FTH1: variants seen among roughly 807,000 people sequenced by gnomAD.
FTH1 encodes the protein ferritin heavy chain 1, also known as ferritin heavy chain.
Under a neutral mutation model 21.8 loss-of-function variants are expected in FTH1, and 3 were observed. The observed-to-expected ratio is 0.14, with a 90% confidence interval of 0.06 to 0.36. FTH1 has a LOEUF of 0.36. FTH1 is among the 10% of genes least tolerant of loss of function. FTH1 has a pLI of 1.00. For synonymous variants in FTH1, 83 were observed against 90.1 expected (o/e 0.92, Z 0.45); for missense variants, 147 against 225.8 (o/e 0.65, Z 2.24).
intron 1 of FTH1, among the ~76,000 whole-genome samples, chr11:61,966,293 A>G (rs4963438): frequency 0.15 from 22,717 of 152,126 alleles, 2,717 homozygotes; most frequent in East Asian, 0.68. Flanking sequence ...CACACAAATT[A>G]AAAACCCCCA....
rs1454285813 is a variant in FTH1 at position 61,967,406 on chromosome 11, G to A, written c.20C>T (p.Ser7Leu). 1 of 1,603,614 alleles carries A rather than the reference G, an allele frequency of 6.2e-7. No homozygotes were observed. Among genetic ancestry groups the A allele is most frequent in the Non-Finnish European group, 8.5e-7 (1 of 1,176,378 alleles). Reference protein sequence around the residue: MTTASTSQVRQNYHQDS... With the variant: MTTASTLQVRQNYHQDS... Reference sequence around the variant, plus strand: ...CTGGTGGTAGTTCTGGCGCACCTGCGAGGTGGACGCGGTCGTCATGGCGGC... The same window carrying A: ...CTGGTGGTAGTTCTGGCGCACCTGCAAGGTGGACGCGGTCGTCATGGCGGC... The change falls in exon 1 of 4, where the codon TCG becomes TTG. Residue 7 changes from serine (S) to leucine (L), a missense_variant. Coordinates refer to ENST00000273550, the MANE Select transcript of FTH1 (RefSeq NM_002032.3).
Position 61,964,969 on chromosome 11 carries a change from TGG to T in FTH1, c.387+16_387+17del. ...CAAATGATTTCCTCCATTTATTTCCTGGGGTTCCAATACTCACATGGGGGTCA... is the reference window on the plus strand; with the variant it reads ...CAAATGATTTCCTCCATTTATTTCCTGGTTCCAATACTCACATGGGGGTCA... On this transcript the variant is annotated intron_variant, in intron 3 of 3. Coordinates refer to ENST00000273550, the MANE Select transcript of FTH1 (RefSeq NM_002032.3). 6.2e-7 allele frequency: 1 copy of T among 1,614,156 alleles called. No individual in the cohort carries two copies. Among genetic ancestry groups the T allele is most frequent in the Non-Finnish European group, 8.5e-7 (1 of 1,180,048 alleles).
intron 1 of FTH1, 50 bp from the exon 2 acceptor site, chr11:61,965,565 T>A: frequency 6.3e-7 from 1 of 1,592,888 alleles, no homozygotes; most frequent in East Asian, 2.2e-5. Context: ...CAGAGACAGG[T>A]AGCTGTGACG....
chr11:61,964,452 A>T lies in FTH1; in HGVS notation c.*275T>A, dbSNP rs1458406832. ...CAAACTAATGAGTTTAATAAATACA[A>T]ATACTCGTTTCTTTTTGATTAGTGT... is the stretch of plus-strand genomic sequence containing the variant. On this transcript the variant is annotated 3_prime_UTR_variant, in exon 4 of 4. Coordinates refer to ENST00000273550, the MANE Select transcript of FTH1 (RefSeq NM_002032.3). 1.1e-5 allele frequency: 7 copies of T among 613,962 alleles called. No individual in the cohort carries two copies. 38.0% of individuals were successfully genotyped at this position (613,962 alleles called of 1,614,324 possible). A position where few individuals can be genotyped will look rare whatever the true frequency, so the allele number is the denominator to read the frequency against.
In FTH1 at chr11:61,964,376, G is replaced by C. The variant is rs999054523; in HGVS notation, c.*351C>G. 6.9e-6 allele frequency: 5 copies of C among 728,940 alleles called. No homozygotes were observed. In the African/African-American group the frequency reaches 7.1e-5, roughly 10 times the overall value. The allele number at this position is 728,940 out of a possible 1,614,324, so 45.2% of individuals were successfully genotyped here. A position where few individuals can be genotyped will look rare whatever the true frequency, so the allele number is the denominator to read the frequency against. ...ACTCAGACTCTGGATTCAGAGTCGG[G>C]AACCCTTAGTTCTATCTGAATCCAA... On this transcript the variant is annotated 3_prime_UTR_variant, in exon 4 of 4. Transcript: ENST00000273550.
Position 61,964,888 on chromosome 11 carries a change from A to G in FTH1, c.391T>C (p.Cys131Arg). 1 of 1,609,402 alleles carries G rather than the reference A, an allele frequency of 6.2e-7. No individual in the cohort carries two copies. The highest frequency in any genetic ancestry group is 8.5e-7 in the Non-Finnish European group (1 of 1,180,010). ...LATDKNDPHL[C>R]DFIETHYLNE... Reference sequence around the variant, plus strand: ...AGGTAATGTGTCTCAATGAAGTCACACAACTGCAAAACAATGGGGAAGACA... The same window carrying G: ...AGGTAATGTGTCTCAATGAAGTCACGCAACTGCAAAACAATGGGGAAGACA... Residue 131 changes from cysteine (C) to arginine (R), a missense_variant, in exon 4 of 4, where the codon TGT becomes CGT. Physicochemically the swap from Cys to Arg is radical, Grantham distance 180 (BLOSUM62 -3). Transcript: ENST00000273550.
chr11:61,967,228 G>A lies in FTH1; in HGVS notation c.114+84C>T, dbSNP rs1000364569. ...CGCAGGGAGGCGGGAGAGCCCGCGG[G>A]TGGCCACACCCCCGGCCCGCCCCAG... is the stretch of plus-strand genomic sequence containing the variant. On this transcript the variant is annotated intron_variant, in intron 1 of 3. Transcript: ENST00000273550. The A allele has an allele frequency of 2.3e-5, 16 of 690,792 alleles. No individual in the cohort carries two copies. In the African/African-American group the frequency reaches 2.7e-4, roughly 12 times the overall value. The allele number at this position is 690,792 out of a possible 1,614,324, so 42.8% of individuals were successfully genotyped here.
In FTH1 at chr11:61,964,668, T is replaced by C. The variant is rs1008194395; in HGVS notation, c.*59A>G. 5 of 1,555,646 alleles carry C rather than the reference T, an allele frequency of 3.2e-6. No homozygotes were observed. The highest frequency in any genetic ancestry group is 3.3e-5 in the Admixed American group (2 of 59,914). On this transcript the variant is annotated 3_prime_UTR_variant, in exon 4 of 4. Transcript: ENST00000273550. ...AAGGTAAAGGAAACCCCAACATGCA[T>C]GCACTGCCTTGGTGACCAGGGAAGT... is the stretch of plus-strand genomic sequence containing the variant.
Position 61,964,792 on chromosome 11 carries a change from C to T in FTH1, c.487G>A (p.Glu163Lys), listed in dbSNP as rs756847190. Reference sequence around the variant, plus strand: ...AAGAGATATTCCGCCAAGCCAGATTCGGGCGCTCCCATCTTGCGCAAGTTG... The same window carrying T: ...AAGAGATATTCCGCCAAGCCAGATTTGGGCGCTCCCATCTTGCGCAAGTTG... ...VTNLRKMGAP[E>K]SGLAEYLFDK... is the part of the protein sequence containing the mutation. Residue 163 changes from glutamate (E) to lysine (K), a missense_variant, in exon 4 of 4, where the codon GAA (glutamate) becomes AAA (lysine). Physicochemically the swap from Glu to Lys is moderately conservative, Grantham distance 56. Transcript: ENST00000273550. 6.3e-6 allele frequency: 10 copies of T among 1,599,860 alleles called. No homozygotes were observed. The East Asian group carries it at 1.6e-4, about 25-fold the overall frequency.
rs1942378999 is a variant in FTH1 at position 61,964,343 on chromosome 11, A to G, written c.*384T>C. The stretch of plus-strand genomic sequence containing the variant: ...GTGAAAGCTAGACTGAACCATTGGA[A>G]ACATTTAACTCAGACTCTGGATTCA... On this transcript the variant is annotated 3_prime_UTR_variant, in exon 4 of 4. Transcript: ENST00000273550. 9 of 897,566 alleles carry G rather than the reference A, an allele frequency of 1.0e-5. No individual in the cohort carries two copies. The highest frequency in any genetic ancestry group is 1.3e-5 in the Non-Finnish European group (8 of 606,932). The allele number at this position is 897,566 out of a possible 1,614,324, so 55.6% of individuals were successfully genotyped here.
At chr11:61,965,240 TA>T in intron 2 of FTH1, 128 bp from the exon 3 acceptor site, 1 of 1,593,656 alleles carries the variant, frequency 6.3e-7, no homozygotes, top group Non-Finnish European at 8.6e-7. Flanking sequence ...ATGGTAAGCC[TA>T]AAAAAGCACA....
chr11:61,966,223 G>A (rs1942457230), intron 1 of FTH1, among the ~76,000 whole-genome samples: 3 of 152,152 alleles, frequency 2.0e-5, no homozygotes, highest in South Asian at 4.1e-4. Context: ...GCAGTGAGCC[G>A]AGATCGCGCC....
Position 61,965,028 on chromosome 11 carries a change from G to A in FTH1, c.346C>T (p.Leu116=). Residue 116 remains leucine (L), a synonymous_variant, in exon 3 of 4, where the codon CTG becomes TTG. Transcript: ENST00000273550. ...HLEKNVNQSL[L]ELHKLATDKN... is the part of the protein sequence containing the mutation. ...TCAGTGGCCAGTTTGTGCAGTTCCA[G>A]TAGTGACTGATTCACATTTTTTTCC... 6.2e-7 allele frequency: 1 copy of A among 1,613,582 alleles called. No individual in the cohort carries two copies. The highest frequency in any genetic ancestry group is 2.2e-5 in the East Asian group (1 of 44,886).
Position 61,964,351 on chromosome 11 carries a change from A to G in FTH1, c.*376T>C. 1 of 859,330 alleles carries G rather than the reference A, an allele frequency of 1.2e-6. No individual in the cohort carries two copies. The highest frequency in any genetic ancestry group is 1.8e-5 in the South Asian group (1 of 56,046). 53.2% of individuals were successfully genotyped at this position (859,330 alleles called of 1,614,324 possible). ...TAGACTGAACCATTGGAAACATTTA[A>G]CTCAGACTCTGGATTCAGAGTCGGG... On this transcript the variant is annotated 3_prime_UTR_variant, in exon 4 of 4. Transcript: ENST00000273550.
Position 61,964,674 on chromosome 11 carries a change from G to A in FTH1, c.*53C>T, listed in dbSNP as rs11554841. ...AAGGAAACCCCAACATGCATGCACT[G>A]CCTTGGTGACCAGGGAAGTCACCCC... is the stretch of plus-strand genomic sequence containing the variant. On this transcript the variant is annotated 3_prime_UTR_variant, in exon 4 of 4. Coordinates refer to ENST00000273550, the MANE Select transcript of FTH1 (RefSeq NM_002032.3). 78 of 1,576,930 alleles carry A rather than the reference G, an allele frequency of 4.9e-5. No individual in the cohort carries two copies. The East Asian group carries it at 1.7e-3, about 34-fold the overall frequency.
chr11:61,965,634 TG>T, intron 1 of FTH1, 119 bp from the exon 2 acceptor site: 1 of 1,103,930 alleles, frequency 9.1e-7, no homozygotes. Context: ...AAGCACAGCA[TG>T]AAGGAATCAG....
rs1260690208 is a variant in FTH1 at position 61,964,893 on chromosome 11, T to G, written c.388-2A>C. 1 of 1,610,264 alleles carries G rather than the reference T, an allele frequency of 6.2e-7. No homozygotes were observed. Among genetic ancestry groups the G allele is most frequent in the Non-Finnish European group, 8.5e-7 (1 of 1,180,012 alleles). ...ATGTGTCTCAATGAAGTCACACAAC[T>G]GCAAAACAATGGGGAAGACAGTTAG... On this transcript the variant is annotated splice_acceptor_variant, in intron 3 of 3. Coordinates refer to ENST00000273550, the MANE Select transcript of FTH1 (RefSeq NM_002032.3). LOFTEE classifies it high-confidence loss of function.
At chr11:61,965,596 G>A (rs1249146672) in intron 1 of FTH1, 81 bp from the exon 2 acceptor site, 4 of 1,498,578 alleles carry the variant, frequency 2.7e-6, no homozygotes, top group Non-Finnish European at 3.7e-6. Context: ...AGGCAAGATG[G>A]TCTCGTCAGC....
chr11:61,966,614 A>C (rs1204363094), intron 1 of FTH1, among the ~76,000 whole-genome samples: 1 of 152,192 alleles, frequency 6.6e-6, no homozygotes, highest in East Asian at 1.9e-4. Context: ...GACTTTATCC[A>C]AGAACTGGGG....
Sources: allele counts gnomAD v4.1 joint callset (sites outside exome capture counted in the v4.1 genomes callset), GRCh38; gene constraint gnomAD v4.1.1; transcripts MANE v1.5; gene names NCBI Gene and HGNC (gene_info 2026-07-23, HGNC 2026-07-21).